SORCS1: variants seen among roughly 807,000 people sequenced by gnomAD.
The protein encoded by SORCS1 is VPS10 domain-containing receptor SorCS1.
A neutral mutation model predicts 146.1 loss-of-function variants in SORCS1; 60 were observed. The observed-to-expected ratio is 0.41, with a 90% confidence interval of 0.33 to 0.51. The LOEUF (loss-of-function observed/expected upper bound fraction) is 0.51, where lower values mean the gene tolerates loss of function less well. SORCS1 is among the 20% of genes least tolerant of loss of function. The pLI, the probability that SORCS1 is intolerant of heterozygous loss-of-function variation, is 0.21. For missense variants in SORCS1, 1,352 were observed against 1,487.6 expected, an observed-to-expected ratio of 0.91 and a Z score of 1.50; for synonymous variants, 637 against 584.0, an observed-to-expected ratio of 1.09 and a Z score of -1.31.
intron 1 of SORCS1, among the ~76,000 whole-genome samples, chr10:107,148,844 G>A (rs980274998): frequency 6.6e-6 from 1 of 152,228 alleles, no homozygotes; most frequent in South Asian, 2.1e-4. Flanking sequence ...CTACTCTCTG[G>A]GGATAGTCAT....
At position 106,959,599 on chromosome 10, in the gene SORCS1, T is replaced by G. The variant is rs148400292; in HGVS notation, c.559-3019A>C. Among the ~76,000 whole-genome samples the G allele has an allele frequency of 5.3e-4, 81 of 152,324 alleles. No homozygotes were observed. The East Asian group carries it at 0.014, about 26-fold the overall frequency. On this transcript the variant is annotated intron_variant, in intron 1 of 25. Coordinates refer to ENST00000263054, the MANE Select transcript of SORCS1 (RefSeq NM_052918.5). ...GAAAATGTGAAAAAATGAAATTGCCTCCCTATTCTGGTTTTATTCTCTGTT... is the reference window on the plus strand; with the variant it reads ...GAAAATGTGAAAAAATGAAATTGCCGCCCTATTCTGGTTTTATTCTCTGTT...
intron 2 of SORCS1, among the ~76,000 whole-genome samples, chr10:106,913,761 A>G (rs1260567927): frequency 1.3e-5 from 2 of 152,256 alleles, no homozygotes; most frequent in Non-Finnish European, 2.9e-5. Context: ...TGCTGAAGGC[A>G]GGGTGAAGCC....
upstream of SORCS1, among the ~76,000 whole-genome samples, chr10:107,167,558 C>A (rs868157579): frequency 1.6e-4 from 25 of 152,220 alleles, no homozygotes; most frequent in Middle Eastern, 0.017. Context: ...CACTCTACTC[C>A]ATAATTGCAC....
At chr10:106,597,788 A>T (rs1228751602) in intron 23 of SORCS1, among the ~76,000 whole-genome samples, 2 of 152,222 alleles carry the variant, frequency 1.3e-5, no homozygotes, top group Admixed American at 1.3e-4. Flanking sequence ...AAAGAAGTAT[A>T]TACAATTTAC....
intron 2 of SORCS1, among the ~76,000 whole-genome samples, chr10:106,927,111 C>T (rs900725891): frequency 1.3e-5 from 2 of 152,086 alleles, no homozygotes; most frequent in African/African-American, 4.8e-5. Context: ...AGACCTTGAG[C>T]CTCTAATGTA....
At chr10:106,897,437 T>C (rs577703716) in intron 2 of SORCS1, among the ~76,000 whole-genome samples, 33 of 152,164 alleles carry the variant, frequency 2.2e-4, no homozygotes, top group Non-Finnish European at 3.8e-4. Context: ...TTTCAGCTTA[T>C]CCTTAATGTG....
At position 106,673,828 on chromosome 10, in the gene SORCS1, A is replaced by C. The variant is rs533127770; in HGVS notation, c.1941-843T>G. 5.9e-5 allele frequency among the ~76,000 whole-genome samples: 9 copies of C among 152,346 alleles called. No homozygotes were observed. The East Asian group carries it at 1.7e-3, about 29-fold the overall frequency. On this transcript the variant is annotated intron_variant, in intron 14 of 25. Coordinates refer to ENST00000263054, the MANE Select transcript of SORCS1 (RefSeq NM_052918.5). ...ACTTAAGTATTTACTGAGATGTTTG[A>C]ATTACCAACCATAGGTTTGAAGAAA...
chr10:106,887,881 T>C (rs1367753584), intron 2 of SORCS1, among the ~76,000 whole-genome samples: 2 of 152,258 alleles, frequency 1.3e-5, no homozygotes, highest in African/African-American at 2.4e-5. Flanking sequence ...TTCTGTTGCA[T>C]ACAGATACAC....
intron 1 of SORCS1, among the ~76,000 whole-genome samples, chr10:107,149,390 G>A (rs538757126): frequency 7.2e-5 from 11 of 152,114 alleles, no homozygotes; most frequent in African/African-American, 2.4e-4. Flanking sequence ...AAAAAATCGC[G>A]CTTTAATCAT....
At chr10:106,673,111 T>A in intron 14 of SORCS1, 126 bp from the exon 15 acceptor site, 3 of 668,056 alleles carry the variant, frequency 4.5e-6, no homozygotes, top group Non-Finnish European at 7.4e-6. Context: ...CATTTAATCC[T>A]CAAAACGCAT....
intron 2 of SORCS1, among the ~76,000 whole-genome samples, chr10:106,930,283 A>G (rs563333390): frequency 7.0e-6 from 1 of 143,820 alleles, no homozygotes; most frequent in East Asian, 2.0e-4. Context: ...CTCTGTCTCT[A>G]AAAAAAAAAA....
chr10:106,597,888 T>G (rs1845998947), intron 23 of SORCS1, among the ~76,000 whole-genome samples: 1 of 152,202 alleles, frequency 6.6e-6, no homozygotes, highest in Non-Finnish European at 1.5e-5. Flanking sequence ...TGAATATTTA[T>G]TGTATGGTAA....
chr10:106,905,779 C>T (rs982820009), intron 2 of SORCS1, among the ~76,000 whole-genome samples: 2 of 152,124 alleles, frequency 1.3e-5, no homozygotes, highest in African/African-American at 2.4e-5. Flanking sequence ...TGCCTGTATG[C>T]ATTTGTATGT....
chr10:106,926,877 AGAG>A (rs1564818669), intron 2 of SORCS1, among the ~76,000 whole-genome samples: 7,421 of 149,088 alleles, frequency 0.05, 265 homozygotes, highest in Non-Finnish European at 0.075. Context: ...AGAGAGAGAG[AGAG>A]AGAGAGAGAG....
At chr10:106,733,966 T>G (rs1045161773) in intron 5 of SORCS1, among the ~76,000 whole-genome samples, 1 of 152,296 alleles carries the variant, frequency 6.6e-6, no homozygotes, top group South Asian at 2.1e-4. Context: ...CTGAACTCTC[T>G]CTGCTTGCCT....
chr10:106,624,151 C>T (rs1847929528), intron 19 of SORCS1, among the ~76,000 whole-genome samples: 1 of 151,990 alleles, frequency 6.6e-6, no homozygotes, highest in Non-Finnish European at 1.5e-5. Flanking sequence ...TGATGGAAGA[C>T]CTCTCAGAAG....
intron 3 of SORCS1, among the ~76,000 whole-genome samples, chr10:106,798,203 C>T (rs1228039889): frequency 6.6e-6 from 1 of 152,106 alleles, no homozygotes; most frequent in Non-Finnish European, 1.5e-5. Context: ...GGAGAAATGC[C>T]TTTCACCTTC....
chr10:106,770,499 A>T (rs1392683047), intron 4 of SORCS1, among the ~76,000 whole-genome samples: 3 of 151,462 alleles, frequency 2.0e-5, no homozygotes, highest in South Asian at 2.1e-4. Flanking sequence ...AAAAAAAATT[A>T]ACATCTTCTC....
intron 1 of SORCS1, among the ~76,000 whole-genome samples, chr10:107,068,017 T>A (rs1962053202): frequency 6.6e-6 from 1 of 152,134 alleles, no homozygotes; most frequent in East Asian, 1.9e-4. Flanking sequence ...GCAAGCTTGG[T>A]ACAGAATAGT....
Sources: gnomAD v4.1 joint callset for allele counts (sites outside exome capture counted in the v4.1 genomes callset) on GRCh38, gnomAD v4.1.1 for gene constraint, MANE v1.5 for transcripts, NCBI Gene and HGNC (gene_info 2026-07-23, HGNC 2026-07-21) for gene names.